METTL9: variants seen among roughly 807,000 people sequenced by gnomAD.
METTL9 encodes the protein protein-L-histidine N-pros-methyltransferase.
METTL9 carries 10 observed loss-of-function variants against 36.0 expected under a neutral mutation model. That is an observed-to-expected ratio of 0.28 (90% CI 0.17 to 0.47). METTL9 has a LOEUF of 0.47. METTL9 is among the 20% of genes least tolerant of loss of function. The pLI is 0.99. For missense variants in METTL9, 246 were observed against 383.5 expected, an observed-to-expected ratio of 0.64 and a Z score of 3.00; for synonymous variants, 175 against 149.7, an observed-to-expected ratio of 1.17 and a Z score of -1.23.
chr16:21,631,231 C>G (rs1281293151), intron 4 of METTL9, among the ~76,000 whole-genome samples: 1 of 152,120 alleles, frequency 6.6e-6, no homozygotes. Flanking sequence ...AGTTGTATGG[C>G]TCTGTGCTGA....
In METTL9 at chr16:21,645,376, C is replaced by T. The variant is rs369754788; in HGVS notation, c.752-9851C>T. 6.6e-5 allele frequency among the ~76,000 whole-genome samples: 10 copies of T among 152,228 alleles called. No individual in the cohort carries two copies. The South Asian group carries it at 1.0e-3, about 16-fold the overall frequency. ...GTTGAGGCAGGAGAATCGCTTGAAC[C>T]CGGAAGGTGGAGGTTGGTTGCAGTG... On this transcript the variant is annotated intron_variant, in intron 4 of 4. Coordinates refer to ENST00000358154, the MANE Select transcript of METTL9 (RefSeq NM_016025.5).
intron 1 of METTL9, among the ~76,000 whole-genome samples, chr16:21,608,453 T>A (rs957063447): frequency 6.6e-6 from 1 of 152,194 alleles, no homozygotes; most frequent in Non-Finnish European, 1.5e-5. Flanking sequence ...GTAAGTTCTC[T>A]GAGGCCAGCG....
At position 21,655,561 on chromosome 16, in the gene METTL9, A is replaced by G. The variant is rs994384985; in HGVS notation, c.*129A>G. On this transcript the variant is annotated 3_prime_UTR_variant, in exon 5 of 5. Transcript: ENST00000358154. ...CATTCTAAATATCATGTAGGAATTT[A>G]AAAAGCCAAAATACTAATTATTTCT... is the stretch of plus-strand genomic sequence containing the variant. 1 of 756,526 alleles carries G rather than the reference A, an allele frequency of 1.3e-6. No individual in the cohort carries two copies. Among genetic ancestry groups the G allele is most frequent in the Non-Finnish European group, 2.1e-6 (1 of 470,732 alleles). 46.9% of individuals were successfully genotyped at this position (756,526 alleles called of 1,614,324 possible).
intron 3 of METTL9, among the ~76,000 whole-genome samples, chr16:21,623,866 AT>A (rs1017380915): frequency 7.9e-5 from 12 of 151,888 alleles, no homozygotes; most frequent in African/African-American, 2.7e-4. Context: ...CGCCTCCCTG[AT>A]TCAAGCGATT....
intron 4 of METTL9, chr16:21,640,324 T>C (rs558053450): frequency 6.6e-5 from 10 of 152,296 alleles, no homozygotes; most frequent in East Asian, 1.9e-4. Flanking sequence ...ATGGGCACTT[T>C]AGATTTTTTT....
chr16:21,643,526 T>A, intron 4 of METTL9: 1 of 1,497,074 alleles, frequency 6.7e-7, no homozygotes, highest in Non-Finnish European at 9.2e-7. Flanking sequence ...TTAAAAAATA[T>A]TTTTCAAGTG....
chr16:21,618,946 C>T (rs996744959), intron 3 of METTL9, among the ~76,000 whole-genome samples: 2 of 152,130 alleles, frequency 1.3e-5, no homozygotes, highest in Non-Finnish European at 2.9e-5. Context: ...AACTCCTGAC[C>T]TCAAGTAATC....
intron 2 of METTL9, among the ~76,000 whole-genome samples, chr16:21,613,089 T>C (rs1035223718): frequency 6.6e-6 from 1 of 151,264 alleles, no homozygotes; most frequent in African/African-American, 2.4e-5. Flanking sequence ...TTGGCTTTGA[T>C]GTACATAGGA....
intron 4 of METTL9, among the ~76,000 whole-genome samples, chr16:21,633,593 C>T (rs1966016448): frequency 6.6e-6 from 1 of 152,178 alleles, no homozygotes; most frequent in African/African-American, 2.4e-5. Flanking sequence ...GTGCACCATT[C>T]TGCCTCCTCT....
chr16:21,601,974 T>TA (rs1965143626), intron 1 of METTL9, among the ~76,000 whole-genome samples: 1 of 152,188 alleles, frequency 6.6e-6, no homozygotes, highest in South Asian at 2.1e-4. Flanking sequence ...CACCATGAGA[T>TA]AAAGTAGGAA....
chr16:21,637,918 A>G (rs1330796492), intron 4 of METTL9, among the ~76,000 whole-genome samples: 1 of 152,258 alleles, frequency 6.6e-6, no homozygotes, highest in Non-Finnish European at 1.5e-5. Context: ...ACCTCTCAAT[A>G]AGCCACTCAG....
At chr16:21,603,683 T>C (rs906033936) in intron 1 of METTL9, among the ~76,000 whole-genome samples, 1 of 152,162 alleles carries the variant, frequency 6.6e-6, no homozygotes, top group Non-Finnish European at 1.5e-5. Flanking sequence ...AGGCCCCAGG[T>C]TCTTGGTAAT....
At chr16:21,643,884 A>G (rs1966345349) in intron 4 of METTL9, among the ~76,000 whole-genome samples, 1 of 152,162 alleles carries the variant, frequency 6.6e-6, no homozygotes, top group African/African-American at 2.4e-5. Context: ...CCCTTTTTGA[A>G]GATTTTAAGG....
At chr16:21,600,056 G>A (rs923012476) in intron 1 of METTL9, among the ~76,000 whole-genome samples, 158 bp downstream of exon 1, 4 of 151,880 alleles carry the variant, frequency 2.6e-5, no homozygotes, top group Non-Finnish European at 5.9e-5. Context: ...TCCCCGCCGG[G>A]CGTCGACTCC....
rs993775995 is a variant in METTL9 at position 21,657,142 on chromosome 16, C to T, written c.*1710C>T. On this transcript the variant is annotated 3_prime_UTR_variant, in exon 5 of 5. Coordinates refer to ENST00000358154, the MANE Select transcript of METTL9 (RefSeq NM_016025.5). Reference sequence around the variant, plus strand: ...TGTTTTCTAACTTTCAAGTAGAGAACTTTATGCTCTAATAAGAAAAATACA... The same window carrying T: ...TGTTTTCTAACTTTCAAGTAGAGAATTTTATGCTCTAATAAGAAAAATACA... 9 of 152,002 alleles carry T rather than the reference C, an allele frequency of 5.9e-5. No individual in the cohort carries two copies. Among genetic ancestry groups the T allele is most frequent in the African/African-American group, 2.2e-4 (9 of 41,360 alleles). 9.4% of individuals were successfully genotyped at this position (152,002 alleles called of 1,614,324 possible). A position where few individuals can be genotyped will look rare whatever the true frequency, so the allele number is the denominator to read the frequency against.
At chr16:21,599,368 G>A (rs1018847213), upstream of METTL9, 13 of 1,037,668 alleles carry the variant, frequency 1.3e-5, no homozygotes, top group Non-Finnish European at 1.5e-5. This position sits in a 1 kb window ranked among gnomAD's most constrained non-coding sequence, Gnocchi z 4.4. Context: ...GGCCAAGGCA[G>A]GGCCGGGACA....
At position 21,657,112 on chromosome 16, in the gene METTL9, CAA is replaced by C. The variant is rs1966726900; in HGVS notation, c.*1682_*1683del. ...GGATGTTCAAGGAGGCAGGTTGCCC[CAA>C]AGTGTTTTCTAACTTTCAAGTAGAG... On this transcript the variant is annotated 3_prime_UTR_variant, in exon 5 of 5. Coordinates refer to ENST00000358154, the MANE Select transcript of METTL9 (RefSeq NM_016025.5). 6.6e-6 allele frequency: 1 copy of C among 151,942 alleles called. No homozygotes were observed. The highest frequency in any genetic ancestry group is 1.5e-5 in the Non-Finnish European group (1 of 67,984). 9.4% of individuals were successfully genotyped at this position (151,942 alleles called of 1,614,324 possible).
In METTL9 at chr16:21,628,892, C is replaced by CG. The variant is rs1368370837; in HGVS notation, c.751+3777_751+3778insG. 4.6e-5 allele frequency among the ~76,000 whole-genome samples: 6 copies of CG among 130,048 alleles called. No individual in the cohort carries two copies. In the East Asian group the frequency reaches 6.5e-4, roughly 14 times the overall value. 85.3% of individuals were successfully genotyped at this position (130,048 alleles called of 152,430 possible). On this transcript the variant is annotated intron_variant, in intron 4 of 4. Coordinates refer to ENST00000358154, the MANE Select transcript of METTL9 (RefSeq NM_016025.5). ...TGCTGTTGTTTGGCTTGAGATGTTT[C>CG]TTTTTTTTTTTTTTGGAGATGGAGT...
At chr16:21,635,852 C>G (rs181695514) in intron 4 of METTL9, among the ~76,000 whole-genome samples, 1 of 152,104 alleles carries the variant, frequency 6.6e-6, no homozygotes, top group African/African-American at 2.4e-5. Context: ...GGAATAGTTG[C>G]GCTCACCGAA....
Sources: allele counts gnomAD v4.1 joint callset (sites outside exome capture counted in the v4.1 genomes callset), GRCh38; gene constraint gnomAD v4.1.1; non-coding constraint Gnocchi (gnomAD v3.1); transcripts MANE v1.5; gene names NCBI Gene and HGNC (gene_info 2026-07-23, HGNC 2026-07-21).